SLC3A2: variants seen among roughly 807,000 people sequenced by gnomAD.
SLC3A2 encodes amino acid transporter heavy chain SLC3A2.
SLC3A2 carries 32 observed loss-of-function variants against 48.5 expected under a neutral mutation model. The ratio of observed to expected loss-of-function variants is 0.66; its 90% CI spans 0.50 to 0.89. The LOEUF is 0.89. Ranked by LOEUF, SLC3A2 falls within the 40% of genes least tolerant of loss-of-function variation. The pLI is 0.00. For missense variants in SLC3A2, 587 were observed against 680.7 expected (o/e 0.86, Z 1.53); for synonymous variants, 277 against 288.8 (o/e 0.96, Z 0.41).
At chr11:62,856,388 G>A (rs989376331) in intron 1 of SLC3A2, 2 of 1,599,570 alleles carry the variant, frequency 1.3e-6, no homozygotes, top group East Asian at 4.5e-5. Context: ...TCAGGTACTG[G>A]ATCCCGGGCT....
At chr11:62,885,072 C>A (rs2085691715) in intron 5 of SLC3A2, 105 bp from the exon 6 acceptor site, 2 of 1,254,244 alleles carry the variant, frequency 1.6e-6, no homozygotes, top group Admixed American at 4.0e-5. Flanking sequence ...CTCAAGTGAT[C>A]CACCCGCCTC....
chr11:62,871,966 G>A (rs1215876557), intron 1 of SLC3A2, among the ~76,000 whole-genome samples: 1 of 152,080 alleles, frequency 6.6e-6, no homozygotes, highest in African/African-American at 2.4e-5. Context: ...AGGCTGGAGT[G>A]CGGTGGCGTG....
chr11:62,864,450 G>C (rs1315122177), intron 1 of SLC3A2, among the ~76,000 whole-genome samples: 5 of 152,032 alleles, frequency 3.3e-5, no homozygotes, highest in Non-Finnish European at 7.4e-5. Context: ...CAGCACGCCT[G>C]GCTAATTATT....
chr11:62,885,111 G>GCTCA, intron 5 of SLC3A2, 66 bp from the exon 6 acceptor site: 1 of 1,559,692 alleles, frequency 6.4e-7, no homozygotes, highest in South Asian at 1.2e-5. Context: ...GATTACAGGC[G>GCTCA]TGAGCCACTG....
intron 1 of SLC3A2, among the ~76,000 whole-genome samples, chr11:62,864,591 C>T (rs962832207): frequency 3.3e-5 from 5 of 151,186 alleles, no homozygotes; most frequent in South Asian, 2.1e-4. Context: ...CTCAGCCTTG[C>T]GAGTAGCTGG....
chr11:62,887,265 G>C (rs1033310438), intron 7 of SLC3A2, among the ~76,000 whole-genome samples: 1 of 152,094 alleles, frequency 6.6e-6, no homozygotes, highest in African/African-American at 2.4e-5. Flanking sequence ...ATAGAGAGTA[G>C]CCATAGGAGA....
chr11:62,884,561 G>A (rs1280967586), intron 4 of SLC3A2, 36 bp downstream of exon 4: 1 of 1,614,078 alleles, frequency 6.2e-7, no homozygotes. Flanking sequence ...CAAAGCTTGG[G>A]CGAGAACAGA....
chr11:62,880,914 T>A lies in SLC3A2; in HGVS notation c.-110T>A. The A allele has an allele frequency of 6.9e-7, 1 of 1,457,034 alleles. No individual in the cohort carries two copies. The highest frequency in any genetic ancestry group is 9.1e-7 in the Non-Finnish European group (1 of 1,104,520). The allele number at this position is 1,457,034 out of a possible 1,614,324, so 90.3% of individuals were successfully genotyped here. A position where few individuals can be genotyped will look rare whatever the true frequency, so the allele number is the denominator to read the frequency against. On this transcript the variant is annotated 5_prime_UTR_variant, in exon 1 of 9. Coordinates refer to ENST00000338663, the MANE Select transcript of SLC3A2 (RefSeq NM_001013251.3). ...GCTGAGCAGATGCAGTAGCCGAAAC[T>A]GCGCGGAGGCACAGAGGCCGGGGAG...
upstream of SLC3A2, among the ~76,000 whole-genome samples, chr11:62,877,783 T>C (rs1281804393): frequency 6.6e-6 from 1 of 152,258 alleles, no homozygotes; most frequent in Non-Finnish European, 1.5e-5. Context: ...CTGATGTGGC[T>C]GGAGGCTAGT....
chr11:62,888,191 G>A lies in SLC3A2; in HGVS notation c.1200G>A (p.Gly400=). ...AGTCCAGCTTCCCTGACATCCCAGG[G>A]GCTGTAAGTGCCAACATGACTGTGA... ...WDESSFPDIP[G]AVSANMTVKG... is the part of the protein sequence containing the mutation. The change falls in exon 8 of 9, where the codon GGG becomes GGA. Residue 400 remains glycine (G), a synonymous_variant. Coordinates refer to ENST00000338663, the MANE Select transcript of SLC3A2 (RefSeq NM_001013251.3). The A allele has an allele frequency of 6.2e-7, 1 of 1,614,062 alleles. No homozygotes were observed. Among genetic ancestry groups the A allele is most frequent in the Non-Finnish European group, 8.5e-7 (1 of 1,180,004 alleles).
chr11:62,880,727 G>A (rs1300941081), upstream of SLC3A2: 12 of 400,498 alleles, frequency 3.0e-5, no homozygotes, highest in Admixed American at 5.1e-4. Context: ...GGGTTAGACA[G>A]GTTGGAGATG....
intron 1 of SLC3A2, among the ~76,000 whole-genome samples, chr11:62,861,179 A>G (rs1384305088): frequency 6.6e-6 from 1 of 150,854 alleles, no homozygotes; most frequent in Admixed American, 6.7e-5. Context: ...CTCTACAAAA[A>G]TAAAAATTAG....
chr11:62,871,826 T>C (rs1239601567), intron 1 of SLC3A2, among the ~76,000 whole-genome samples: 2 of 152,142 alleles, frequency 1.3e-5, no homozygotes, highest in Non-Finnish European at 2.9e-5. Flanking sequence ...CCACCAGATA[T>C]TAAGATTTGT....
chr11:62,871,700 G>C (rs1374356833), intron 1 of SLC3A2: 1 of 578,154 alleles, frequency 1.7e-6, no homozygotes, highest in Non-Finnish European at 3.1e-6. Flanking sequence ...TAACATGCTT[G>C]CTATCTGGTA....
intron 7 of SLC3A2, chr11:62,887,898 T>C (rs991513750): frequency 5.0e-6 from 2 of 400,888 alleles, no homozygotes; most frequent in African/African-American, 4.0e-5. Context: ...GTTCAAGTGA[T>C]CCTCCCTCCT....
At chr11:62,865,562 A>C (rs12797676) in intron 1 of SLC3A2, among the ~76,000 whole-genome samples, 1 of 41,730 alleles carries the variant, frequency 2.4e-5, no homozygotes, top group South Asian at 4.4e-4. Context: ...TCTCCCCCAC[A>C]AAAAAAAAAA....
At chr11:62,876,605 T>C (rs183937541), upstream of SLC3A2, among the ~76,000 whole-genome samples, 1 of 151,434 alleles carries the variant, frequency 6.6e-6, no homozygotes, top group African/African-American at 2.4e-5. Flanking sequence ...TATTATATTT[T>C]ATATTATTTT....
rs541679987 is a variant in SLC3A2 at position 62,884,506 on chromosome 11, G to A, written c.740G>A (p.Arg247Gln). 76 of 1,614,190 alleles carry A rather than the reference G, an allele frequency of 4.7e-5. No individual in the cohort carries two copies. The highest frequency in any genetic ancestry group is 9.9e-5 in the South Asian group (9 of 91,082). The change falls in exon 4 of 9, where the codon CGG becomes CAG. Residue 247 changes from arginine (R) to glutamine (Q), a missense_variant. Transcript: ENST00000338663. ...GCTGGCGTGGATGGGTTCCAGGTTCGGGACATAGAGAATCTGAAGGTGAGT... is the reference window on the plus strand; with the variant it reads ...GCTGGCGTGGATGGGTTCCAGGTTCAGGACATAGAGAATCTGAAGGTGAGT... ...LQAGVDGFQV[R>Q]DIENLKDASS...
chr11:62,861,961 A>G (rs1215688652), intron 1 of SLC3A2, among the ~76,000 whole-genome samples: 6 of 98,730 alleles, frequency 6.1e-5, no homozygotes, highest in Non-Finnish European at 1.5e-4. Context: ...TTCAGCTCAC[A>G]ATCAGTTCAG....
Sources: gnomAD v4.1 joint callset for allele counts (sites outside exome capture counted in the v4.1 genomes callset) on GRCh38, gnomAD v4.1.1 for gene constraint, MANE v1.5 for transcripts, NCBI Gene and HGNC (gene_info 2026-07-23, HGNC 2026-07-21) for gene names.